The following LEMD1 variants were observed in gnomAD, a reference collection of about 807,000 sequenced individuals.
The protein encoded by LEMD1 is LEM domain-containing protein 1.
Under a neutral mutation model 17.4 loss-of-function variants are expected in LEMD1, and 18 were observed. The observed-to-expected ratio is 1.04, with a 90% CI of 0.72 to 1.54. The LOEUF (loss-of-function observed/expected upper bound fraction) is 1.54, where lower values mean the gene tolerates loss of function less well. LEMD1 is among the 40% of genes most tolerant of loss of function. LEMD1 has a pLI of 0.00. For missense variants in LEMD1, 195 were observed against 210.4 expected (o/e 0.93, Z 0.45); for synonymous variants, 88 against 77.8 (o/e 1.13, Z -0.69).
chr1:205,411,667 AAAGAAAAG>A lies in LEMD1; in HGVS notation c.270+4557_270+4564del, dbSNP rs869171127. Among the ~76,000 whole-genome samples, 281 of 136,818 alleles carry A rather than the reference AAAGAAAAG, an allele frequency of 2.1e-3. 2 individuals carry two copies. Among genetic ancestry groups the A allele is most frequent in the African/African-American group, 7.0e-3 (258 of 36,858 alleles). The allele number at this position is 136,818 out of a possible 152,430, so 89.8% of individuals were successfully genotyped here. On this transcript the variant is annotated intron_variant, in intron 4 of 5. Coordinates refer to ENST00000367153, the MANE Select transcript of LEMD1 (RefSeq NM_001199050.2). ...AGAGAAAGAAAGGAAAGAAAGAAAG[AAAGAAAAG>A]AAAGAAAGAAAGAAAGAAAGAAAAA...
At chr1:205,390,171 A>G (rs984524894) in intron 4 of LEMD1, among the ~76,000 whole-genome samples, 4 of 152,136 alleles carry the variant, frequency 2.6e-5, no homozygotes, top group Non-Finnish European at 2.9e-5. Flanking sequence ...CCTGGCCAAC[A>G]TGGTGAAACT....
chr1:205,397,728 A>C (rs1253643562), intron 4 of LEMD1, among the ~76,000 whole-genome samples: 1 of 152,220 alleles, frequency 6.6e-6, no homozygotes, highest in Non-Finnish European at 1.5e-5. Context: ...GTACAACAGG[A>C]AACTCCTCTT....
intron 4 of LEMD1, among the ~76,000 whole-genome samples, chr1:205,411,149 A>AAGAAAGAAGAAAGAGAGAG (rs1454665509): frequency 6.8e-6 from 1 of 146,540 alleles, no homozygotes; most frequent in African/African-American, 2.5e-5. Context: ...AGGAAGGAAA[A>AAGAAAGAAGAAAGAGAGAG]AGAAAGAAGA....
chr1:205,424,232 G>A (rs1213216811), upstream of LEMD1, among the ~76,000 whole-genome samples: 1 of 152,182 alleles, frequency 6.6e-6, no homozygotes, highest in Non-Finnish European at 1.5e-5. Flanking sequence ...ATCATTCTCA[G>A]ATAACTTCTG....
chr1:205,383,370 C>T (rs1449205974), intron 5 of LEMD1, among the ~76,000 whole-genome samples: 1 of 152,204 alleles, frequency 6.6e-6, no homozygotes, highest in African/African-American at 2.4e-5. Flanking sequence ...GCTGGGATTA[C>T]AGGCATGAGC....
chr1:205,440,314 G>A (rs369367594), intron 1 of LEMD1, among the ~76,000 whole-genome samples: 10 of 152,306 alleles, frequency 6.6e-5, no homozygotes, highest in African/African-American at 1.9e-4. Flanking sequence ...AGGGAGCCAC[G>A]GAGCCACTGG....
In LEMD1 at chr1:205,419,328, T is replaced by C. The variant is rs1292816989; in HGVS notation, c.107A>G (p.Lys36Arg). ...ILPSTRKLYE[K>R]KLVQLLVSPP... ...TGAGACCAACAACTGTACTAACTTT[T>C]TTTCATACAACTTTCTGGTGGAAGC... Residue 36 changes from lysine (K) to arginine (R), a missense_variant, in exon 3 of 6, where the codon AAA becomes AGA. Physicochemically the swap from Lys to Arg is conservative, Grantham distance 26 (BLOSUM62 2). Coordinates refer to ENST00000367153, the MANE Select transcript of LEMD1 (RefSeq NM_001199050.2). The C allele has an allele frequency of 3.1e-6, 5 of 1,614,236 alleles. No individual in the cohort carries two copies. In the Admixed American group the frequency reaches 5.0e-5, roughly 16 times the overall value.
chr1:205,401,836 GTC>G (rs1664867909), intron 4 of LEMD1, among the ~76,000 whole-genome samples: 1 of 152,106 alleles, frequency 6.6e-6, no homozygotes, highest in Non-Finnish European at 1.5e-5. Context: ...ATGGTTTTAG[GTC>G]TAACGTTTAA....
chr1:205,383,550 A>G (rs1663827870), intron 5 of LEMD1, among the ~76,000 whole-genome samples: 1 of 151,750 alleles, frequency 6.6e-6, no homozygotes, highest in Admixed American at 6.6e-5. Context: ...GTTATTGTTA[A>G]CTAAAGCCAC....
At chr1:205,382,181 A>T (rs983171836) in intron 5 of LEMD1, 15 of 238,660 alleles carry the variant, frequency 6.3e-5, no homozygotes, top group Non-Finnish European at 1.1e-4. Flanking sequence ...AAAAAAAAAA[A>T]TTTCGTAGGC....
intron 1 of LEMD1, chr1:205,434,738 A>T (rs994529818): frequency 2.0e-5 from 3 of 151,606 alleles, no homozygotes; most frequent in Admixed American, 1.3e-4. Context: ...CATACTCCTG[A>T]CTCTTCCCCC....
intron 5 of LEMD1, among the ~76,000 whole-genome samples, 197 bp downstream of exon 5, chr1:205,384,091 C>A (rs938082717): frequency 6.6e-6 from 1 of 152,078 alleles, no homozygotes; most frequent in African/African-American, 2.4e-5. Context: ...TTCTCCCGGG[C>A]CTATTTCCTT....
chr1:205,389,811 C>G (rs2102350694), intron 4 of LEMD1, among the ~76,000 whole-genome samples: 1 of 152,308 alleles, frequency 6.6e-6, no homozygotes, highest in Admixed American at 6.5e-5. Flanking sequence ...ACCTTTAAAA[C>G]TGAGTTAACT....
chr1:205,384,488 G>T, intron 4 of LEMD1, 124 bp from the exon 5 acceptor site: 1 of 542,652 alleles, frequency 1.8e-6, no homozygotes, highest in Non-Finnish European at 3.2e-6. Context: ...TAGGTAGTTT[G>T]GTACTTTAAA....
At chr1:205,436,486 C>G (rs1342330108) in intron 1 of LEMD1, 1 of 144,434 alleles carries the variant, frequency 6.9e-6, no homozygotes, top group East Asian at 2.1e-4. Flanking sequence ...ATAACCCCGG[C>G]ACAGTGGGCA....
At chr1:205,416,098 C>A in intron 4 of LEMD1, 134 bp downstream of exon 4, 1 of 543,332 alleles carries the variant, frequency 1.8e-6, no homozygotes, top group Non-Finnish European at 3.1e-6. Context: ...TAAAATGATC[C>A]TCTTTAAACT....
At chr1:205,438,866 C>T (rs1026363579) in intron 1 of LEMD1, among the ~76,000 whole-genome samples, 1 of 152,192 alleles carries the variant, frequency 6.6e-6, no homozygotes, top group Non-Finnish European at 1.5e-5. Context: ...CAAACCCCTG[C>T]AGCTGCAATC....
chr1:205,426,347 C>T (rs111242862), upstream of LEMD1, among the ~76,000 whole-genome samples: 880 of 152,268 alleles, frequency 5.8e-3, 2 homozygotes, highest in African/African-American at 0.02. Flanking sequence ...GTTCTTCAAA[C>T]GGATTACATT....
rs1665683755 is a variant in LEMD1, at chr1:205,416,133, G to A, written c.270+99C>T. On this transcript the variant is annotated intron_variant, in intron 4 of 5. Coordinates refer to ENST00000367153, the MANE Select transcript of LEMD1 (RefSeq NM_001199050.2). ...TAGGATTTTACCACTATAACAGAATGTAGTGACTTGCTATCCCCTTTCTTA... is the reference window on the plus strand; with the variant it reads ...TAGGATTTTACCACTATAACAGAATATAGTGACTTGCTATCCCCTTTCTTA... 1.0e-5 allele frequency: 7 copies of A among 701,818 alleles called. No homozygotes were observed. In the South Asian group the frequency reaches 1.4e-4, roughly 14 times the overall value. 43.5% of individuals were successfully genotyped at this position (701,818 alleles called of 1,614,324 possible).
Sources: allele counts gnomAD v4.1 joint callset (sites outside exome capture counted in the v4.1 genomes callset), GRCh38; gene constraint gnomAD v4.1.1; transcripts MANE v1.5; gene names NCBI Gene and HGNC (gene_info 2026-07-23, HGNC 2026-07-21).